The following EPHX1 variants were observed in gnomAD, a reference collection of about 807,000 sequenced individuals.
EPHX1 encodes the protein epoxide hydrolase 1.
A neutral mutation model predicts 43.2 loss-of-function variants in EPHX1; 40 were observed. That is an observed-to-expected ratio of 0.93 (90% CI 0.72 to 1.21). The LOEUF (loss-of-function observed/expected upper bound fraction) is 1.21, where lower values mean the gene tolerates loss of function less well. Among genes scored for constraint, EPHX1 ranks in the 50% most tolerant of loss-of-function variants. EPHX1 has a pLI of 0.00. For missense variants in EPHX1, 550 were observed against 570.4 expected, an observed-to-expected ratio of 0.96 and a Z score of 0.36; for synonymous variants, 221 against 226.7, an observed-to-expected ratio of 0.98 and a Z score of 0.22.
chr1:225,831,942 T>C lies in EPHX1; in HGVS notation c.347T>C (p.Phe116Ser). The change falls in exon 3 of 9, where the codon TTC (phenylalanine) becomes TCC (serine). Residue 116 changes from phenylalanine (F) to serine (S), a missense_variant. Physicochemically the swap from Phe to Ser is radical, Grantham distance 155. Coordinates refer to ENST00000272167, the MANE Select transcript of EPHX1 (RefSeq NM_001136018.4). ...QVEILNRYPH[F>S]KTKIEGLDIH... ...GAGATTCTCAACAGATACCCTCACTTCAAGACTAAGATTGAAGGTATGTTT... is the reference window on the plus strand; with the variant it reads ...GAGATTCTCAACAGATACCCTCACTCCAAGACTAAGATTGAAGGTATGTTT... The C allele has an allele frequency of 6.2e-7, 1 of 1,614,120 alleles. No individual in the cohort carries two copies. The highest frequency in any genetic ancestry group is 8.5e-7 in the Non-Finnish European group (1 of 1,180,040).
chr1:225,831,829 C>A lies in EPHX1; in HGVS notation c.234C>A (p.Asp78Glu). The change falls in exon 3 of 9, where the codon GAC becomes GAA. Residue 78 changes from aspartate to glutamate, a missense_variant. Coordinates refer to ENST00000272167, the MANE Select transcript of EPHX1 (RefSeq NM_001136018.4). ...DKFRFTPPLE[D>E]SCFHYGFNSN... ...TCCGTTTCACCCCACCTTTGGAGGACAGCTGCTTCCACTATGGCTTCAACT... is the reference window on the plus strand; with the variant it reads ...TCCGTTTCACCCCACCTTTGGAGGAAAGCTGCTTCCACTATGGCTTCAACT... 2 of 1,614,202 alleles carry A rather than the reference C, an allele frequency of 1.2e-6. No individual in the cohort carries two copies. The highest frequency in any genetic ancestry group is 1.7e-6 in the Non-Finnish European group (2 of 1,180,032).
intron 3 of EPHX1, among the ~76,000 whole-genome samples, chr1:225,835,926 C>T (rs1382218859): frequency 2.0e-5 from 3 of 152,088 alleles, no homozygotes; most frequent in East Asian, 1.9e-4. Flanking sequence ...TTGAATTCAT[C>T]GTGGACTTAC....
chr1:225,834,150 T>TGGGAGCC (rs1306892408), intron 3 of EPHX1, among the ~76,000 whole-genome samples: 1 of 143,702 alleles, frequency 7.0e-6, no homozygotes, highest in Non-Finnish European at 1.5e-5. Flanking sequence ...CTCACACCTG[T>TGGGAGCC]AATCCTAGCA....
At chr1:225,833,795 TA>T (rs765544660) in intron 3 of EPHX1, among the ~76,000 whole-genome samples, 2,421 of 108,642 alleles carry the variant, frequency 0.022, 68 homozygotes, top group African/African-American at 0.076. Flanking sequence ...ACTCTGTCTT[TA>T]AAAAAAAAAA....
intron 1 of EPHX1, among the ~76,000 whole-genome samples, chr1:225,822,244 AT>A (rs1667012742): frequency 6.6e-6 from 1 of 152,162 alleles, no homozygotes; most frequent in East Asian, 1.9e-4. Flanking sequence ...TTTAAAAAAA[AT>A]CATGCTGGTT....
chr1:225,828,236 C>T (rs921673467), intron 1 of EPHX1, among the ~76,000 whole-genome samples: 2 of 151,708 alleles, frequency 1.3e-5, no homozygotes, highest in African/African-American at 4.8e-5. Context: ...CCCAGCTACT[C>T]GGGAGGCTGA....
At position 225,840,057 on chromosome 1, in the gene EPHX1, C is replaced by T; in HGVS notation, c.931+20C>T. 3 of 1,612,590 alleles carry T rather than the reference C, an allele frequency of 1.9e-6. No homozygotes were observed. The highest frequency in any genetic ancestry group is 2.5e-6 in the Non-Finnish European group (3 of 1,179,202). On this transcript the variant is annotated intron_variant, in intron 6 of 8. Transcript: ENST00000272167. ...CCGTAGGTGAGTGTGCTCAGGGGTC[C>T]TCGCCCACTGCCGGCTCCACTGGGG...
At chr1:225,811,383 C>T (rs1483990925) in intron 1 of EPHX1, among the ~76,000 whole-genome samples, 1 of 152,184 alleles carries the variant, frequency 6.6e-6, no homozygotes, top group African/African-American at 2.4e-5. Flanking sequence ...AGCCTGGATC[C>T]GCCCCTACAG....
At chr1:225,836,252 C>T (rs1209325074) in intron 3 of EPHX1, among the ~76,000 whole-genome samples, 3 of 152,096 alleles carry the variant, frequency 2.0e-5, no homozygotes, top group Admixed American at 2.0e-4. Flanking sequence ...GGAAATCTGG[C>T]TCATATTTTG....
intron 1 of EPHX1, among the ~76,000 whole-genome samples, chr1:225,828,116 C>T (rs1284850121): frequency 4.6e-5 from 7 of 152,104 alleles, no homozygotes; most frequent in Admixed American, 6.6e-5. Context: ...GAGGCCGAGG[C>T]GGGCGGATCA....
chr1:225,838,951 C>T, intron 4 of EPHX1, 70 bp downstream of exon 4: 1 of 1,543,150 alleles, frequency 6.5e-7, no homozygotes, highest in Non-Finnish European at 8.9e-7. Context: ...TCCCACCAGG[C>T]TCTCCTTCCG....
intron 5 of EPHX1, among the ~76,000 whole-genome samples, chr1:225,839,577 G>A (rs1668217552): frequency 6.6e-6 from 1 of 152,066 alleles, no homozygotes; most frequent in Non-Finnish European, 1.5e-5. Flanking sequence ...GTGATAGGAG[G>A]GGAAGGTCAG....
In EPHX1 at chr1:225,813,740, C is replaced by T. The variant is rs149637233; in HGVS notation, c.-6+3571C>T. Among the ~76,000 whole-genome samples the T allele has an allele frequency of 6.0e-3, 907 of 152,320 alleles. 3 individuals carry two copies. The highest frequency in any genetic ancestry group is 9.2e-3 in the Non-Finnish European group (624 of 68,022). ...TGGGTTCAGAGACCTGGTGTGGAGTCCTCATGCCCACCCGCCCTGCTGTCT... is the reference window on the plus strand; with the variant it reads ...TGGGTTCAGAGACCTGGTGTGGAGTTCTCATGCCCACCCGCCCTGCTGTCT... On this transcript the variant is annotated intron_variant, in intron 1 of 8. Transcript: ENST00000272167.
chr1:225,831,237 A>G (rs768971959), intron 2 of EPHX1, among the ~76,000 whole-genome samples: 8 of 152,212 alleles, frequency 5.3e-5, no homozygotes, highest in Non-Finnish European at 1.0e-4. Flanking sequence ...AAAGATGAGT[A>G]TCGTGTATAC....
chr1:225,827,496 A>G (rs1254967301), intron 1 of EPHX1, among the ~76,000 whole-genome samples: 3 of 152,210 alleles, frequency 2.0e-5, no homozygotes, highest in Non-Finnish European at 2.9e-5. Context: ...GTGCTTTGCC[A>G]AGACTATGGT....
intron 3 of EPHX1, among the ~76,000 whole-genome samples, chr1:225,835,955 C>T (rs183417585): frequency 8.3e-4 from 126 of 152,220 alleles, no homozygotes; most frequent in Non-Finnish European, 1.4e-3. Context: ...GGTTCTGGCA[C>T]CCTGCCCGGG....
intron 1 of EPHX1, among the ~76,000 whole-genome samples, chr1:225,819,807 CTT>C (rs796584830): frequency 1.1e-4 from 16 of 152,294 alleles, no homozygotes; most frequent in African/African-American, 2.6e-4. Context: ...ATTTATAACT[CTT>C]TGTCCGCACT....
rs1666779301 is a variant in EPHX1, at chr1:225,817,502, G to A, written c.-6+7333G>A. 1.3e-5 allele frequency among the ~76,000 whole-genome samples: 2 copies of A among 152,200 alleles called. No individual in the cohort carries two copies. The highest frequency in any genetic ancestry group is 4.1e-4 in the South Asian group (2 of 4,836). On this transcript the variant is annotated intron_variant, in intron 1 of 8. Transcript: ENST00000272167. The surrounding 1 kb of genome is among the most constrained non-coding windows in gnomAD (Gnocchi z 5.7). The stretch of plus-strand genomic sequence containing the variant: ...GGAGTGATGAGGCTGGGGTGCTGGG[G>A]AGGGCAGTATGGGGGCAGGCTTGGG...
chr1:225,822,808 TC>T (rs1185030861), intron 1 of EPHX1, among the ~76,000 whole-genome samples: 1 of 152,156 alleles, frequency 6.6e-6, no homozygotes, highest in Non-Finnish European at 1.5e-5. Context: ...TTGGTCATCC[TC>T]CCAAATCATG....
Sources: allele counts gnomAD v4.1 joint callset (sites outside exome capture counted in the v4.1 genomes callset), GRCh38; gene constraint gnomAD v4.1.1; non-coding constraint Gnocchi (gnomAD v3.1); transcripts MANE v1.5; gene names NCBI Gene and HGNC (gene_info 2026-07-23, HGNC 2026-07-21).